TAS2R1: variants seen among roughly 807,000 people sequenced by gnomAD.
The protein encoded by TAS2R1 is taste receptor type 2 member 1.
For missense variants in TAS2R1, 370 were observed against 353.4 expected (o/e 1.05, Z -0.38); for synonymous variants, 141 against 134.2 (o/e 1.05, Z -0.35).
intron 1 of TAS2R1, among the ~76,000 whole-genome samples, chr5:9,683,110 G>A (rs773366429): frequency 1.3e-4 from 19 of 151,960 alleles, no homozygotes; most frequent in Non-Finnish European, 2.5e-4. Context: ...ATATACCATT[G>A]AATACTACAA....
At chr5:9,890,946 C>G in the TAS2R1 span, among the ~76,000 whole-genome samples, 4 of 152,158 alleles carry the variant, frequency 2.6e-5, no homozygotes, top group African/African-American at 7.2e-5. Flanking sequence ...GGGACAGCAT[C>G]TGGGGCTTCC....
Position 9,698,862 on chromosome 5 carries a change from C to G in TAS2R1, c.-242+13310G>C, listed in dbSNP as rs1383541356. Among the ~76,000 whole-genome samples, 10 of 152,136 alleles carry G rather than the reference C, an allele frequency of 6.6e-5. 1 individual carries two copies. On this transcript the variant is annotated intron_variant, in intron 1 of 2. Transcript: ENST00000506620. ...ATGTGTTCAGAGAAAATAATTTTGT[C>G]CATGCTGTTTCTGTGTGTGTGTTTT...
intron 1 of TAS2R1, among the ~76,000 whole-genome samples, chr5:9,668,884 C>T (rs1740695495): frequency 6.6e-6 from 1 of 151,702 alleles, no homozygotes; most frequent in Non-Finnish European, 1.5e-5. Flanking sequence ...CAGCTAACAA[C>T]ATGATGACAG....
At chr5:9,666,268 T>C (rs1301441311) in intron 1 of TAS2R1, among the ~76,000 whole-genome samples, 1 of 152,136 alleles carries the variant, frequency 6.6e-6, no homozygotes, top group Non-Finnish European at 1.5e-5. Context: ...GTTACAACAA[T>C]CTCCATGACT....
At chr5:9,639,332 C>T (rs779554774) in intron 2 of TAS2R1, among the ~76,000 whole-genome samples, 5 of 152,192 alleles carry the variant, frequency 3.3e-5, no homozygotes, top group African/African-American at 4.8e-5. Flanking sequence ...ATATTTGGCA[C>T]AACTCCCTAA....
At chr5:9,671,911 C>T (rs1215874277) in intron 1 of TAS2R1, among the ~76,000 whole-genome samples, 1 of 152,108 alleles carries the variant, frequency 6.6e-6, no homozygotes, top group Non-Finnish European at 1.5e-5. Context: ...TAAAACACAA[C>T]AGTAAACAAA....
intron 1 of TAS2R1, among the ~76,000 whole-genome samples, chr5:9,671,524 G>A (rs772030722): frequency 3.9e-5 from 6 of 152,146 alleles, no homozygotes; most frequent in Non-Finnish European, 8.8e-5. Context: ...AATCAAGAAT[G>A]TAATCCCATT....
chr5:9,728,817 C>T, the TAS2R1 span, among the ~76,000 whole-genome samples: 7 of 152,152 alleles, frequency 4.6e-5, no homozygotes, highest in African/African-American at 1.7e-4. Context: ...TTGGAGGAAA[C>T]CAGTGGCTCC....
chr5:9,647,824 T>C (rs1042697926), intron 2 of TAS2R1, among the ~76,000 whole-genome samples: 2 of 152,206 alleles, frequency 1.3e-5, no homozygotes, highest in African/African-American at 4.8e-5. Flanking sequence ...AATATGAATT[T>C]ATTATCTATT....
chr5:9,896,628 T>C, the TAS2R1 span, among the ~76,000 whole-genome samples: 166 of 152,310 alleles, frequency 1.1e-3, 1 homozygote, highest in Non-Finnish European at 2.1e-3. Context: ...CCTCACCTAA[T>C]GGCTTTACTT....
At chr5:9,817,290 T>A in the TAS2R1 span, among the ~76,000 whole-genome samples, 1 of 152,358 alleles carries the variant, frequency 6.6e-6, no homozygotes, top group African/African-American at 2.4e-5. Flanking sequence ...TTAGATTTTA[T>A]TTTCTATTTT....
At chr5:9,752,556 A>ATTT in the TAS2R1 span, among the ~76,000 whole-genome samples, 12 of 151,748 alleles carry the variant, frequency 7.9e-5, no homozygotes, top group Admixed American at 3.9e-4. Context: ...CAAATATATC[A>ATTT]TTTTTTTTAT....
the TAS2R1 span, among the ~76,000 whole-genome samples, chr5:9,885,270 ATTTC>A: frequency 6.6e-6 from 1 of 152,224 alleles, no homozygotes; most frequent in Non-Finnish European, 1.5e-5. Context: ...TGAAGTTATG[ATTTC>A]TTTATTAATG....
At chr5:9,654,445 A>T (rs1404556085) in intron 2 of TAS2R1, among the ~76,000 whole-genome samples, 1 of 152,182 alleles carries the variant, frequency 6.6e-6, no homozygotes, top group Admixed American at 6.6e-5. Flanking sequence ...AAGATTAAAC[A>T]CATGAGAATA....
At chr5:9,835,884 T>C in the TAS2R1 span, among the ~76,000 whole-genome samples, 2 of 152,192 alleles carry the variant, frequency 1.3e-5, no homozygotes, top group Non-Finnish European at 2.9e-5. Flanking sequence ...GGAAAAACCC[T>C]ATAAATGTTT....
chr5:9,785,018 AAGGGGCTATATATTTTTC>A, the TAS2R1 span, among the ~76,000 whole-genome samples: 3 of 152,266 alleles, frequency 2.0e-5, no homozygotes, highest in African/African-American at 7.2e-5. Flanking sequence ...TGTTAAATTA[AAGGGGCTATATATTTTTC>A]AGCAAAAAAG....
the TAS2R1 span, among the ~76,000 whole-genome samples, chr5:9,774,321 C>G: frequency 8.7e-3 from 1,326 of 152,324 alleles, 13 homozygotes; most frequent in Non-Finnish European, 0.015. Context: ...ATTCTGAATT[C>G]CTCTGCTGTG....
the TAS2R1 span, among the ~76,000 whole-genome samples, chr5:9,783,846 A>G: frequency 6.6e-6 from 1 of 152,226 alleles, no homozygotes; most frequent in Non-Finnish European, 1.5e-5. Flanking sequence ...TGATGAGTGA[A>G]GCATTCAAGA....
At chr5:9,783,791 T>C in the TAS2R1 span, among the ~76,000 whole-genome samples, 9 of 152,352 alleles carry the variant, frequency 5.9e-5, no homozygotes, top group Admixed American at 5.9e-4. Flanking sequence ...CAAATCTTAT[T>C]ATACATGCTC....
Sources: allele counts gnomAD v4.1 joint callset (sites outside exome capture counted in the v4.1 genomes callset), GRCh38; gene constraint gnomAD v4.1.1; transcripts MANE v1.5; gene names NCBI Gene and HGNC (gene_info 2026-07-23, HGNC 2026-07-21).